UBE2E2: variants seen among roughly 807,000 people sequenced by gnomAD.
The protein encoded by UBE2E2 is ubiquitin-conjugating enzyme E2 E2.
A neutral mutation model predicts 24.7 loss-of-function variants in UBE2E2; 6 were observed. The observed-to-expected ratio is 0.24, with a 90% CI of 0.13 to 0.48. The LOEUF (loss-of-function observed/expected upper bound fraction) is 0.48, where lower values mean the gene tolerates loss of function less well. Among genes scored for constraint, UBE2E2 ranks in the 20% least tolerant of loss-of-function variants. The pLI, the probability that UBE2E2 is intolerant of heterozygous loss-of-function variation, is 0.99. For missense variants in UBE2E2, 169 were observed against 245.0 expected (o/e 0.69, Z 2.07); for synonymous variants, 104 against 83.6 (o/e 1.24, Z -1.33).
At chr3:23,388,934 G>A (rs1270766886) in intron 3 of UBE2E2, among the ~76,000 whole-genome samples, 4 of 151,416 alleles carry the variant, frequency 2.6e-5, no homozygotes, top group Non-Finnish European at 5.9e-5. Context: ...CCTGGGAGGT[G>A]GAGGTTGCAG....
At chr3:23,566,145 A>T (rs990589256) in intron 5 of UBE2E2, among the ~76,000 whole-genome samples, 2 of 152,178 alleles carry the variant, frequency 1.3e-5, no homozygotes, top group African/African-American at 4.8e-5. Context: ...TTGAAAACTC[A>T]TATTTCCTCC....
chr3:23,439,285 C>A (rs1575629829), intron 3 of UBE2E2, among the ~76,000 whole-genome samples: 1 of 152,328 alleles, frequency 6.6e-6, no homozygotes, highest in Middle Eastern at 3.4e-3. Flanking sequence ...GACTGCTTTC[C>A]TTCCTGACTG....
At chr3:23,357,759 C>G (rs1218873844) in intron 3 of UBE2E2, among the ~76,000 whole-genome samples, 2 of 152,124 alleles carry the variant, frequency 1.3e-5, no homozygotes, top group Non-Finnish European at 2.9e-5. Flanking sequence ...TATCTGACTC[C>G]TTATTATTTA....
intron 3 of UBE2E2, among the ~76,000 whole-genome samples, chr3:23,475,210 C>A (rs1411307581): frequency 6.6e-6 from 1 of 152,012 alleles, no homozygotes; most frequent in Non-Finnish European, 1.5e-5. Context: ...CCTCCTAACT[C>A]CCCTCCTTTT....
chr3:23,504,736 G>A (rs1404444844), intron 4 of UBE2E2, among the ~76,000 whole-genome samples: 5 of 151,754 alleles, frequency 3.3e-5, no homozygotes, highest in South Asian at 2.1e-4. Context: ...ATTTCTTTTC[G>A]TGAATAATAT....
At chr3:23,554,397 C>A (rs1157975542) in intron 5 of UBE2E2, among the ~76,000 whole-genome samples, 1 of 152,088 alleles carries the variant, frequency 6.6e-6, no homozygotes, top group Non-Finnish European at 1.5e-5. Context: ...TGCCTGTAGC[C>A]TAAGCTACTT....
At chr3:23,333,718 G>A (rs542661023) in intron 3 of UBE2E2, among the ~76,000 whole-genome samples, 11 of 152,182 alleles carry the variant, frequency 7.2e-5, no homozygotes, top group East Asian at 3.9e-4. Flanking sequence ...GTAGTATCTC[G>A]TAGTAGTTCG....
At chr3:23,499,832 G>A in intron 4 of UBE2E2, 92 bp downstream of exon 4, 7 of 1,363,692 alleles carry the variant, frequency 5.1e-6, no homozygotes, top group African/African-American at 1.5e-5. Flanking sequence ...AGGGATGCAT[G>A]TCTATTCTGT....
chr3:23,277,042 A>G (rs956432459), intron 3 of UBE2E2, among the ~76,000 whole-genome samples: 1 of 152,208 alleles, frequency 6.6e-6, no homozygotes, highest in African/African-American at 2.4e-5. Context: ...TTCTGATAGT[A>G]GACGGTGTGA....
intron 3 of UBE2E2, among the ~76,000 whole-genome samples, chr3:23,439,031 A>G (rs1296095136): frequency 6.6e-6 from 1 of 152,230 alleles, no homozygotes; most frequent in East Asian, 1.9e-4. Flanking sequence ...GCCCCTAAGT[A>G]ATTGAGTGAT....
chr3:23,360,088 T>G (rs2125330331), intron 3 of UBE2E2, among the ~76,000 whole-genome samples: 3 of 152,282 alleles, frequency 2.0e-5, no homozygotes, highest in Middle Eastern at 6.8e-3. Flanking sequence ...TCAGAAATAG[T>G]ATCCCCAAAT....
intron 3 of UBE2E2, among the ~76,000 whole-genome samples, chr3:23,223,954 G>A (rs1421638862): frequency 6.6e-6 from 1 of 152,120 alleles, no homozygotes; most frequent in Non-Finnish European, 1.5e-5. Flanking sequence ...TAAGGTGGCT[G>A]TAAATGCGTG....
At chr3:23,378,254 AAAAAAAT>A (rs1181903161) in intron 3 of UBE2E2, among the ~76,000 whole-genome samples, 52 of 132,234 alleles carry the variant, frequency 3.9e-4, no homozygotes, top group African/African-American at 1.3e-3. Context: ...AAAAAAAAAA[AAAAAAAT>A]ACTGCAGTTT....
chr3:23,551,108 C>T (rs571001572), intron 5 of UBE2E2, among the ~76,000 whole-genome samples: 12 of 152,190 alleles, frequency 7.9e-5, no homozygotes, highest in South Asian at 4.2e-4. Context: ...GAATAAGGTA[C>T]AACATTCTTT....
At chr3:23,263,553 G>T (rs1296547748) in intron 3 of UBE2E2, among the ~76,000 whole-genome samples, 1 of 151,292 alleles carries the variant, frequency 6.6e-6, no homozygotes, top group African/African-American at 2.5e-5. Context: ...CTTAGTGGAA[G>T]ATGCTCATCT....
At chr3:23,384,865 A>G (rs546062974) in intron 3 of UBE2E2, among the ~76,000 whole-genome samples, 4 of 152,126 alleles carry the variant, frequency 2.6e-5, no homozygotes, top group Admixed American at 2.6e-4. Context: ...TTAAAACCAG[A>G]CTCATTTCAA....
At position 23,583,560 on chromosome 3, in the gene UBE2E2, T is replaced by C. The variant is rs544086576; in HGVS notation, c.509-6174T>C. On this transcript the variant is annotated intron_variant, in intron 5 of 5. Coordinates refer to ENST00000396703, the MANE Select transcript of UBE2E2 (RefSeq NM_152653.4). The surrounding 1 kb of genome is among the most constrained non-coding windows in gnomAD (Gnocchi z 4.1). ...ACAAACTTCTTCCTTTCCATGAGCT[T>C]GGAATGTTTTTCCATTTGTTTGTGT... Among the ~76,000 whole-genome samples, 1 of 152,326 alleles carries C rather than the reference T, an allele frequency of 6.6e-6. No homozygotes were observed. Among genetic ancestry groups the C allele is most frequent in the South Asian group, 2.1e-4 (1 of 4,826 alleles).
chr3:23,364,473 A>AC (rs1476986767), intron 3 of UBE2E2, among the ~76,000 whole-genome samples: 3 of 152,082 alleles, frequency 2.0e-5, no homozygotes, highest in African/African-American at 7.2e-5. Context: ...ATACAAAAAA[A>AC]CCCCAGAGAC....
chr3:23,255,764 G>A (rs1697706681), intron 3 of UBE2E2, among the ~76,000 whole-genome samples: 1 of 152,012 alleles, frequency 6.6e-6, no homozygotes, highest in Non-Finnish European at 1.5e-5. Flanking sequence ...TTTACTATTG[G>A]ATACATATCA....
Sources: allele counts gnomAD v4.1 joint callset (sites outside exome capture counted in the v4.1 genomes callset), GRCh38; gene constraint gnomAD v4.1.1; non-coding constraint Gnocchi (gnomAD v3.1); transcripts MANE v1.5; gene names NCBI Gene and HGNC (gene_info 2026-07-23, HGNC 2026-07-21).